Variants in TRIP12 observed in about 807,000 individuals in gnomAD.
The protein encoded by TRIP12 is E3 ubiquitin-protein ligase TRIP12.
TRIP12 carries 25 observed loss-of-function variants against 244.2 expected under a neutral mutation model. The ratio of observed to expected loss-of-function variants is 0.10; its 90% CI spans 0.07 to 0.14. The LOEUF (loss-of-function observed/expected upper bound fraction) is 0.14, where lower values mean the gene tolerates loss of function less well. TRIP12 is among the 10% of genes least tolerant of loss of function. The probability of loss-of-function intolerance (pLI) is 1.00; values close to 1 mark genes in which losing one functional copy is unlikely to be tolerated. For missense variants in TRIP12, 1,677 were observed against 2,486.4 expected, an observed-to-expected ratio of 0.67 and a Z score of 6.92; for synonymous variants, 905 against 873.1, an observed-to-expected ratio of 1.04 and a Z score of -0.64.
At chr2:229,836,819 C>T (rs1330053537) in intron 6 of TRIP12, 29 bp downstream of exon 6, 2 of 1,574,034 alleles carry the variant, frequency 1.3e-6, no homozygotes, top group South Asian at 1.2e-5. Context: ...GACAGAAACG[C>T]ATTTTAAAGC....
chr2:229,808,580 C>T (rs187838293), intron 15 of TRIP12, among the ~76,000 whole-genome samples: 2 of 151,620 alleles, frequency 1.3e-5, no homozygotes, highest in Admixed American at 6.6e-5. Flanking sequence ...CTGGAGACTT[C>T]GTTCTTTAGT....
chr2:229,922,618 G>A (rs201264237), upstream of TRIP12: 67 of 1,613,736 alleles, frequency 4.2e-5, no homozygotes, highest in East Asian at 1.4e-3. Flanking sequence ...AGGCAAGTGC[G>A]AGCCGCGGTT....
chr2:229,842,240 T>C (rs1016027807), intron 4 of TRIP12, among the ~76,000 whole-genome samples: 1 of 152,196 alleles, frequency 6.6e-6, no homozygotes, highest in African/African-American at 2.4e-5. Context: ...TAAATTTCAA[T>C]CTTATTTTTA....
chr2:229,877,357 T>C (rs553780117), intron 2 of TRIP12, among the ~76,000 whole-genome samples: 31 of 152,060 alleles, frequency 2.0e-4, no homozygotes, highest in Middle Eastern at 3.4e-3. Context: ...TGGTGAAACC[T>C]CGTCTCTACT....
At chr2:229,850,493 T>C (rs1386012607) in intron 4 of TRIP12, among the ~76,000 whole-genome samples, 1 of 152,230 alleles carries the variant, frequency 6.6e-6, no homozygotes. Context: ...TCTACCTTTT[T>C]CACGCAAGTA....
At chr2:229,793,287 G>C (rs2041995373) in intron 26 of TRIP12, 142 bp from the exon 27 acceptor site, 1 of 798,368 alleles carries the variant, frequency 1.3e-6, no homozygotes. Flanking sequence ...TCTGTGAATG[G>C]TAAAGCCAAT....
intron 1 of TRIP12, among the ~76,000 whole-genome samples, chr2:229,882,978 C>CT (rs1443105725): frequency 6.6e-6 from 1 of 152,216 alleles, no homozygotes; most frequent in African/African-American, 2.4e-5. Flanking sequence ...ATAAATTCAT[C>CT]TTTTTAAAAA....
chr2:229,908,833 T>C (rs940060244), intron 1 of TRIP12, among the ~76,000 whole-genome samples: 2 of 152,080 alleles, frequency 1.3e-5, no homozygotes, highest in Non-Finnish European at 2.9e-5. Flanking sequence ...GGCTCATGCC[T>C]GTAATCCCAG....
At chr2:229,791,337 CCAG>C in intron 29 of TRIP12, 86 bp from the exon 30 acceptor site, 1 of 1,433,646 alleles carries the variant, frequency 7.0e-7, no homozygotes, top group Admixed American at 1.8e-5. Context: ...ACCACAGTTA[CCAG>C]AAGACTGTTC....
At chr2:229,786,529 C>T (rs1463073399) in intron 33 of TRIP12, among the ~76,000 whole-genome samples, 2 of 145,972 alleles carry the variant, frequency 1.4e-5, no homozygotes, top group East Asian at 4.0e-4. Flanking sequence ...TCCCAAGTAG[C>T]TGGGATTACA....
chr2:229,804,259 C>T (rs1030924591), intron 18 of TRIP12, 32 bp from the exon 19 acceptor site: 16 of 1,529,782 alleles, frequency 1.0e-5, no homozygotes, highest in Non-Finnish European at 1.3e-5. Context: ...TATGTGCAAT[C>T]CTGAAGTGAC....
At position 229,791,213 on chromosome 2, in the gene TRIP12, T is replaced by C; in HGVS notation, c.4454A>G (p.Asp1485Gly). The change falls in exon 30 of 42, where the codon GAT (aspartate) becomes GGT (glycine). Residue 1485 changes from aspartate to glycine, a missense_variant. Around this residue, in one of 11 missense-constraint regions of TRIP12, gnomAD observed 265 missense variants for 370.8 expected, o/e 0.71. Coordinates refer to ENST00000675903, the MANE Select transcript of TRIP12 (RefSeq NM_001348323.3). ...TCTTCCTCTTTTACCACCAACACAA[T>C]CTTTATTACTTTCTTCATCCTCTCT... ...PVREDEESNK[D>G]CVGGKRGRAQ... is the part of the protein sequence containing the mutation. 1 of 1,614,112 alleles carries C rather than the reference T, an allele frequency of 6.2e-7. No homozygotes were observed. The highest frequency in any genetic ancestry group is 8.5e-7 in the Non-Finnish European group (1 of 1,179,974).
chr2:229,864,002 GAA>G (rs10531247), intron 2 of TRIP12, among the ~76,000 whole-genome samples: 48,495 of 97,832 alleles, frequency 0.5, 9,132 homozygotes, highest in East Asian at 0.59. Flanking sequence ...AGATTTGGGT[GAA>G]AGAGAGAGAG....
At chr2:229,787,759 T>C (rs2040443557) in intron 32 of TRIP12, 98 bp from the exon 33 acceptor site, 1 of 1,098,834 alleles carries the variant, frequency 9.1e-7, no homozygotes, top group East Asian at 2.7e-5. Flanking sequence ...TTTGATATGA[T>C]ATAGAAAATT....
At chr2:229,797,297 A>T (rs972153250) in intron 24 of TRIP12, among the ~76,000 whole-genome samples, 2 of 152,214 alleles carry the variant, frequency 1.3e-5, no homozygotes, top group African/African-American at 2.4e-5. Context: ...TAAAACACTT[A>T]TTAGTAAACC....
chr2:229,770,691 T>C (rs2154232198), intron 39 of TRIP12, among the ~76,000 whole-genome samples: 1 of 152,316 alleles, frequency 6.6e-6, no homozygotes, highest in East Asian at 1.9e-4. Flanking sequence ...TCTTGAACTG[T>C]AACTCCCACA....
At chr2:229,852,586 C>T (rs913575463) in intron 4 of TRIP12, among the ~76,000 whole-genome samples, 1 of 152,116 alleles carries the variant, frequency 6.6e-6, no homozygotes, top group Non-Finnish European at 1.5e-5. Context: ...TCCTAATGTA[C>T]ATTAAAAATT....
rs773902834 is a variant in TRIP12, at chr2:229,858,994, C to T, written c.805G>A (p.Asp269Asn). ...CGGGAACGCCTGGCCTTGTTCTGAT[C>T]TTTTCCTTGTTTCACTCTGGCACCT... is the stretch of plus-strand genomic sequence containing the variant. The part of the protein sequence containing the change: ...PPGARVKQGK[D>N]QNKARRSRSA... Residue 269 changes from aspartate (D) to asparagine (N), a missense_variant, in exon 4 of 42, where the codon GAT becomes AAT. Asp to Asn is a conservative substitution (Grantham distance 23). This residue lies in a region of TRIP12 where 387 missense variants were observed against 392.6 expected (regional missense o/e 0.99). Coordinates refer to ENST00000675903, the MANE Select transcript of TRIP12 (RefSeq NM_001348323.3). The T allele has an allele frequency of 8.1e-6, 13 of 1,614,204 alleles. No homozygotes were observed. The highest frequency in any genetic ancestry group is 1.7e-5 in the Admixed American group (1 of 60,014).
intron 1 of TRIP12, among the ~76,000 whole-genome samples, chr2:229,892,682 A>G (rs2067658141): frequency 2.6e-5 from 4 of 152,116 alleles, no homozygotes; most frequent in Admixed American, 2.6e-4. Context: ...CCTGGGCAGC[A>G]TGGCGAAACC....
Sources: gnomAD v4.1 joint callset for allele counts (sites outside exome capture counted in the v4.1 genomes callset) on GRCh38, gnomAD v4.1.1 for gene constraint, gnomAD v4.1.1 regional missense constraint, MANE v1.5 for transcripts, NCBI Gene and HGNC (gene_info 2026-07-23, HGNC 2026-07-21) for gene names.